The following IQCF3 variants were observed in gnomAD, a reference collection of about 807,000 sequenced individuals.
IQCF3 encodes the protein IQ motif containing F3.
IQCF3 carries 7 observed loss-of-function variants against 5.1 expected under a neutral mutation model. The ratio of observed to expected loss-of-function variants is 1.36; its 90% CI spans 0.78 to 2.56. IQCF3 has a LOEUF of 2.56. Among genes scored for constraint, IQCF3 ranks in the 30% most tolerant of loss-of-function variants. The pLI is 0.00. For synonymous variants in IQCF3, 82 were observed against 72.8 expected, an observed-to-expected ratio of 1.13 and a Z score of -0.64; for missense variants, 189 against 196.5, an observed-to-expected ratio of 0.96 and a Z score of 0.23.
chr3:51,829,073 A>G (rs909397350), upstream of IQCF3, among the ~76,000 whole-genome samples: 2 of 152,218 alleles, frequency 1.3e-5, no homozygotes, highest in Non-Finnish European at 2.9e-5. Flanking sequence ...TAAAAGGTAG[A>G]CCAGAATCTA....
At position 51,829,713 on chromosome 3, in the gene IQCF3, G is replaced by A. The variant is rs1281570302; in HGVS notation, c.66+1G>A. The A allele has an allele frequency of 1.2e-6, 2 of 1,613,706 alleles. No homozygotes were observed. Among genetic ancestry groups the A allele is most frequent in the Non-Finnish European group, 1.7e-6 (2 of 1,179,770 alleles). ...AGTAGAAAGACAGAGGCGGCAGAAGGTAGGTGGGGCCCAGGAGGGTGAGAG... is the reference window on the plus strand; with the variant it reads ...AGTAGAAAGACAGAGGCGGCAGAAGATAGGTGGGGCCCAGGAGGGTGAGAG... On this transcript the variant is annotated splice_donor_variant, in intron 2 of 2. Transcript: ENST00000440739. LOFTEE classifies it high-confidence loss of function.
chr3:51,830,375 C>A lies in IQCF3; in HGVS notation c.67-28C>A, dbSNP rs142551256. 1.5e-4 allele frequency: 224 copies of A among 1,517,558 alleles called. No individual in the cohort carries two copies. The highest frequency in any genetic ancestry group is 1.2e-3 in the Middle Eastern group (5 of 4,102). 94.0% of individuals were successfully genotyped at this position (1,517,558 alleles called of 1,614,324 possible). On this transcript the variant is annotated intron_variant, in intron 2 of 2. Transcript: ENST00000440739. The surrounding 1 kb of genome is among the most constrained non-coding windows in gnomAD (Gnocchi z 4.1). ...CCTGTGCTTGATGGTGATAAATTCA[C>A]TGGGAGTCCTCTGCTTTGCTTGGCC... is the stretch of plus-strand genomic sequence containing the variant.
At position 51,829,455 on chromosome 3, in the gene IQCF3, C is replaced by A; in HGVS notation, c.-21C>A. On this transcript the variant is annotated 5_prime_UTR_variant, in exon 1 of 3. Coordinates refer to ENST00000440739, the MANE Select transcript of IQCF3 (RefSeq NM_001393887.1). Reference sequence around the variant, plus strand: ...AACAGCAACCAGAGGGAGATGATCACCTGAACCACTGCTCCAAACCATGGG... The same window carrying A: ...AACAGCAACCAGAGGGAGATGATCAACTGAACCACTGCTCCAAACCATGGG... 6.3e-7 allele frequency: 1 copy of A among 1,594,558 alleles called. No homozygotes were observed. Among genetic ancestry groups the A allele is most frequent in the Non-Finnish European group, 8.5e-7 (1 of 1,170,534 alleles).
chr3:51,829,980 C>T, intron 2 of IQCF3: 1 of 517,544 alleles, frequency 1.9e-6, no homozygotes. Context: ...AGTGGAAGTC[C>T]ACAAAAGTGA....
At position 51,830,426 on chromosome 3, in the gene IQCF3, C is replaced by G. The variant is rs780896258; in HGVS notation, c.90C>G (p.His30Gln). The change falls in exon 3 of 3, where the codon CAC becomes CAG. Residue 30 changes from histidine to glutamine, a missense_variant. Physicochemically the swap from His to Gln is conservative, Grantham distance 24. Coordinates refer to ENST00000440739, the MANE Select transcript of IQCF3 (RefSeq NM_001393887.1). This position sits in a 1 kb window ranked among gnomAD's most constrained non-coding sequence, Gnocchi z 4.1. Reference protein sequence around the residue: ...RQKLLLAQLHHRKRVKAAGQI... With the variant: ...RQKLLLAQLHQRKRVKAAGQI... The stretch of plus-strand genomic sequence containing the variant: ...AGTTGCTTCTTGCACAACTGCATCA[C>G]AGAAAAAGGGTGAAGGCAGCTGGGC... 5.2e-6 allele frequency: 8 copies of G among 1,551,886 alleles called. No homozygotes were observed. Among genetic ancestry groups the G allele is most frequent in the Non-Finnish European group, 6.9e-6 (8 of 1,151,856 alleles).
chr3:51,828,914 A>G (rs999299851), upstream of IQCF3: 1 of 154,086 alleles, frequency 6.5e-6, no homozygotes, highest in African/African-American at 2.4e-5. Context: ...CCAGGAATTT[A>G]TCCATCTCTT....
chr3:51,827,567 A>T (rs1358983069), upstream of IQCF3, among the ~76,000 whole-genome samples: 1 of 152,006 alleles, frequency 6.6e-6, no homozygotes, highest in Non-Finnish European at 1.5e-5. Context: ...GATTATAATT[A>T]TTCATAATTT....
chr3:51,830,659 G>T lies in IQCF3; in HGVS notation c.323G>T (p.Cys108Phe), dbSNP rs1253457828. Residue 108 changes from cysteine (C) to phenylalanine (F), a missense_variant, in exon 3 of 3, where the codon TGT becomes TTT. Physicochemically the swap from Cys to Phe is radical, Grantham distance 205. Coordinates refer to ENST00000440739, the MANE Select transcript of IQCF3 (RefSeq NM_001393887.1). This position sits in a 1 kb window ranked among gnomAD's most constrained non-coding sequence, Gnocchi z 4.1. ...ATCCGCATGTGGCAGTGCCGGCAAT[G>T]TTACCGCCAAATGTGCAATGCTCTC... ...SCIRMWQCRQ[C>F]YRQMCNALCL... The T allele has an allele frequency of 4.3e-6, 7 of 1,613,890 alleles. No individual in the cohort carries two copies. Among genetic ancestry groups the T allele is most frequent in the Non-Finnish European group, 5.9e-6 (7 of 1,179,898 alleles).
intron 2 of IQCF3, chr3:51,829,993 T>A (rs1698343723): frequency 4.0e-6 from 2 of 501,588 alleles, no homozygotes; most frequent in South Asian, 5.3e-5. Flanking sequence ...AAAAGTGAGA[T>A]GAGGGGAGAC....
chr3:51,827,076 A>G (rs1401181770), upstream of IQCF3: 2 of 152,552 alleles, frequency 1.3e-5, no homozygotes, highest in African/African-American at 4.8e-5. Context: ...AAAAAAGCAG[A>G]GTTGACGGAT....
rs781531071 is a variant in IQCF3 at position 51,829,632 on chromosome 3, C to A, written c.19-33C>A. 2.5e-6 allele frequency: 4 copies of A among 1,612,006 alleles called. No homozygotes were observed. The East Asian group carries it at 8.9e-5, about 36-fold the overall frequency. ...ACTTTGCAGTCAGGCTGGTCCTCAC[C>A]CATGCTCCCCCACACCCATATTCCG... On this transcript the variant is annotated intron_variant, in intron 1 of 2. Coordinates refer to ENST00000440739, the MANE Select transcript of IQCF3 (RefSeq NM_001393887.1).
upstream of IQCF3, among the ~76,000 whole-genome samples, chr3:51,827,890 G>A (rs6788189): frequency 7.9e-5 from 12 of 151,984 alleles, no homozygotes; most frequent in South Asian, 2.3e-3. Flanking sequence ...TTCAGTTCCC[G>A]CTTCTAAGTG....
In IQCF3 at chr3:51,830,003, C is replaced by T. The variant is rs968781037; in HGVS notation, c.66+291C>T. 4.1e-6 allele frequency: 2 copies of T among 492,812 alleles called. No homozygotes were observed. Among genetic ancestry groups the T allele is most frequent in the Non-Finnish European group, 3.7e-6 (1 of 273,172 alleles). The allele number at this position is 492,812 out of a possible 1,614,324, so 30.5% of individuals were successfully genotyped here. On this transcript the variant is annotated intron_variant, in intron 2 of 2. Transcript: ENST00000440739. The surrounding 1 kb of genome is among the most constrained non-coding windows in gnomAD (Gnocchi z 4.1). ...TCCACAAAAGTGAGATGAGGGGAGA[C>T]CCCAAAGGGCTGCAGCACCACGCAA...
At position 51,830,332 on chromosome 3, in the gene IQCF3, T is replaced by C; in HGVS notation, c.67-71T>C. On this transcript the variant is annotated intron_variant, in intron 2 of 2. Transcript: ENST00000440739. The surrounding 1 kb of genome is among the most constrained non-coding windows in gnomAD (Gnocchi z 4.1). ...TCCTCAAAACCAGCAGGGAGAGGGC[T>C]GATTCTTTAGAGAACCACCTGTGCT... 6.7e-7 allele frequency: 1 copy of C among 1,502,172 alleles called. No individual in the cohort carries two copies. Among genetic ancestry groups the C allele is most frequent in the Middle Eastern group, 2.5e-4 (1 of 3,926 alleles). The allele number at this position is 1,502,172 out of a possible 1,614,324, so 93.1% of individuals were successfully genotyped here. A position where few individuals can be genotyped will look rare whatever the true frequency, so the allele number is the denominator to read the frequency against.
In IQCF3 at chr3:51,830,552, G is replaced by C. The variant is rs1698353019; in HGVS notation, c.216G>C (p.Gln72His). Residue 72 changes from glutamine to histidine, a missense_variant, in exon 3 of 3, where the codon CAG becomes CAC. By Grantham distance (24) the Gln-to-His change is conservative. Transcript: ENST00000440739. The surrounding 1 kb of genome is among the most constrained non-coding windows in gnomAD (Gnocchi z 4.1). Reference protein sequence around the residue: ...MIQCWWRTLVQRRIRQRRQAL... With the variant: ...MIQCWWRTLVHRRIRQRRQAL... ...AGTGCTGGTGGAGGACGTTGGTGCAGAGACGGATCCGTCAGCGGCGGCAGG... is the reference window on the plus strand; with the variant it reads ...AGTGCTGGTGGAGGACGTTGGTGCACAGACGGATCCGTCAGCGGCGGCAGG... The C allele has an allele frequency of 1.2e-6, 2 of 1,613,892 alleles. No homozygotes were observed. Among genetic ancestry groups the C allele is most frequent in the Non-Finnish European group, 1.7e-6 (2 of 1,179,886 alleles).
rs1169571092 is a variant in IQCF3 at position 51,830,443 on chromosome 3, C to A, written c.107C>A (p.Ala36Glu). The A allele has an allele frequency of 7.0e-6, 11 of 1,580,376 alleles. No individual in the cohort carries two copies. Among genetic ancestry groups the A allele is most frequent in the Non-Finnish European group, 6.9e-6 (8 of 1,165,578 alleles). ...CTGCATCACAGAAAAAGGGTGAAGGCAGCTGGGCAGATCCAGGCCTGGTGG... is the reference window on the plus strand; with the variant it reads ...CTGCATCACAGAAAAAGGGTGAAGGAAGCTGGGCAGATCCAGGCCTGGTGG... ...AQLHHRKRVK[A>E]AGQIQAWWRG... The change falls in exon 3 of 3, where the codon GCA becomes GAA. Residue 36 changes from alanine to glutamate, a missense_variant. Coordinates refer to ENST00000440739, the MANE Select transcript of IQCF3 (RefSeq NM_001393887.1). The surrounding 1 kb of genome is among the most constrained non-coding windows in gnomAD (Gnocchi z 4.1).
upstream of IQCF3, chr3:51,828,675 T>C (rs1698322079): frequency 6.6e-6 from 1 of 152,228 alleles, no homozygotes. Flanking sequence ...GCTGGCCTCA[T>C]AGAATGAGCT....
chr3:51,829,612 G>T, intron 1 of IQCF3, 53 bp from the exon 2 acceptor site: 1 of 1,606,082 alleles, frequency 6.2e-7, no homozygotes, highest in Non-Finnish European at 8.5e-7. Flanking sequence ...TGGGGACTTT[G>T]CAGTCAGGCT....
chr3:51,830,736 T>C lies in IQCF3; in HGVS notation c.400T>C (p.Leu134=). 1 of 1,612,562 alleles carries C rather than the reference T, an allele frequency of 6.2e-7. No homozygotes were observed. Among genetic ancestry groups the C allele is most frequent in the Non-Finnish European group, 8.5e-7 (1 of 1,179,106 alleles). ...SSLAFQTDGF[L]QVQYAIPSKQ... Reference sequence around the variant, plus strand: ...CCTTGCCTTCCAGACTGATGGCTTTTTACAGGTCCAATATGCAATCCCTTC... The same window carrying C: ...CCTTGCCTTCCAGACTGATGGCTTTCTACAGGTCCAATATGCAATCCCTTC... Residue 134 remains leucine, a synonymous_variant, in exon 3 of 3, where the codon TTA becomes CTA. Transcript: ENST00000440739. This position sits in a 1 kb window ranked among gnomAD's most constrained non-coding sequence, Gnocchi z 4.1.
Sources: gnomAD v4.1 joint callset for allele counts (sites outside exome capture counted in the v4.1 genomes callset) on GRCh38, gnomAD v4.1.1 for gene constraint, Gnocchi (gnomAD v3.1) non-coding constraint, MANE v1.5 for transcripts, NCBI Gene and HGNC (gene_info 2026-07-23, HGNC 2026-07-21) for gene names.